Variants in FBXL4 observed in about 807,000 individuals in gnomAD.
FBXL4 encodes F-box/LRR-repeat protein 4.
In FBXL4, 40 loss-of-function variants were observed where a neutral mutation model predicts 58.9. The observed-to-expected ratio is 0.68, with a 90% CI of 0.53 to 0.88. The LOEUF (loss-of-function observed/expected upper bound fraction) is 0.88. Among genes scored for constraint, FBXL4 ranks in the 40% least tolerant of loss-of-function variants. The probability of loss-of-function intolerance (pLI) is 0.00; values close to 1 mark genes in which losing one functional copy is unlikely to be tolerated. For synonymous variants in FBXL4, 263 were observed against 265.5 expected, an observed-to-expected ratio of 0.99 and a Z score of 0.09; for missense variants, 676 against 734.4, an observed-to-expected ratio of 0.92 and a Z score of 0.92.
At chr6:98,939,297 C>A (rs914276563) in intron 1 of FBXL4, among the ~76,000 whole-genome samples, 2 of 152,144 alleles carry the variant, frequency 1.3e-5, no homozygotes, top group African/African-American at 4.8e-5. Context: ...TCTTAACATA[C>A]ATAAAGCCAA....
chr6:98,920,529 C>T (rs1192852734), intron 4 of FBXL4, among the ~76,000 whole-genome samples: 1 of 150,902 alleles, frequency 6.6e-6, no homozygotes, highest in Non-Finnish European at 1.5e-5. Flanking sequence ...TCTTGATAAC[C>T]TAAAAAGTAA....
intron 7 of FBXL4, among the ~76,000 whole-genome samples, chr6:98,890,428 T>C (rs924265043): frequency 1.3e-5 from 2 of 152,188 alleles, no homozygotes; most frequent in African/African-American, 2.4e-5. Flanking sequence ...AGTAAGGTGG[T>C]GAAATTTTAT....
At chr6:98,903,335 C>A (rs1178142575) in intron 6 of FBXL4, among the ~76,000 whole-genome samples, 1 of 152,010 alleles carries the variant, frequency 6.6e-6, no homozygotes, top group African/African-American at 2.4e-5. Flanking sequence ...CTCCAATATG[C>A]CCCCCACAAG....
chr6:98,907,116 T>C (rs1771844261), intron 5 of FBXL4, among the ~76,000 whole-genome samples: 1 of 152,184 alleles, frequency 6.6e-6, no homozygotes, highest in African/African-American at 2.4e-5. Context: ...ATTCTGTAGG[T>C]TGCCTGTTCA....
chr6:98,898,849 C>T, intron 7 of FBXL4: 1 of 985,232 alleles, frequency 1.0e-6, no homozygotes, highest in Non-Finnish European at 1.2e-6. Context: ...AAATGAGACT[C>T]ATTAACTATG....
In FBXL4 at chr6:98,885,568, A is replaced by G. The variant is rs78397054; in HGVS notation, c.1318-4944T>C. ...CCCTCAAATAAGAGAGAATTCTTCC[A>G]AATTCAGGAAAAAAAACAATGTCTG... On this transcript the variant is annotated intron_variant, in intron 7 of 9. Transcript: ENST00000369244. 7.2e-3 allele frequency among the ~76,000 whole-genome samples: 1,095 copies of G among 152,262 alleles called. 13 individuals are homozygous for G. Among genetic ancestry groups the G allele is most frequent in the African/African-American group, 0.025 (1,033 of 41,550 alleles).
chr6:98,890,924 C>CA (rs887230663), intron 7 of FBXL4, among the ~76,000 whole-genome samples: 34 of 146,750 alleles, frequency 2.3e-4, no homozygotes, highest in East Asian at 7.9e-4. Flanking sequence ...ATTTCAAAAA[C>CA]AAAAAAAAAC....
chr6:98,925,384 T>C (rs1407092899), intron 4 of FBXL4, among the ~76,000 whole-genome samples: 3 of 152,166 alleles, frequency 2.0e-5, no homozygotes, highest in Non-Finnish European at 2.9e-5. Flanking sequence ...AAATTAAATG[T>C]AACTAAGAAT....
chr6:98,939,880 T>C (rs1773370014), intron 1 of FBXL4, among the ~76,000 whole-genome samples: 1 of 152,252 alleles, frequency 6.6e-6, no homozygotes, highest in East Asian at 1.9e-4. Flanking sequence ...TGTCGATGAT[T>C]AGCTTCACAC....
At chr6:98,900,561 A>G (rs1255744881) in intron 6 of FBXL4, among the ~76,000 whole-genome samples, 7 of 152,168 alleles carry the variant, frequency 4.6e-5, no homozygotes, top group Non-Finnish European at 1.0e-4. Flanking sequence ...GCATTTCCTC[A>G]GCTGTAAACG....
intron 3 of FBXL4, among the ~76,000 whole-genome samples, 173 bp downstream of exon 3, chr6:98,927,532 G>C (rs1294834962): frequency 6.6e-6 from 1 of 152,170 alleles, no homozygotes; most frequent in Non-Finnish European, 1.5e-5. Context: ...TTCACATTAT[G>C]GGAATATAGT....
chr6:98,931,538 T>C (rs1360039803), intron 2 of FBXL4, among the ~76,000 whole-genome samples: 1 of 152,200 alleles, frequency 6.6e-6, no homozygotes, highest in Non-Finnish European at 1.5e-5. Context: ...AAGAAATTTT[T>C]AAAGGAAGGA....
chr6:98,893,165 G>A (rs73503699), intron 7 of FBXL4, among the ~76,000 whole-genome samples: 1,708 of 152,138 alleles, frequency 0.011, 35 homozygotes, highest in African/African-American at 0.039. Flanking sequence ...GTTTTAGTAC[G>A]TGTGGGACTT....
In FBXL4 at chr6:98,868,581, A is replaced by C. The variant is rs1350993317; in HGVS notation, c.*5697T>G. The C allele has an allele frequency of 6.6e-6, 1 of 152,138 alleles. No homozygotes were observed. The highest frequency in any genetic ancestry group is 1.5e-5 in the Non-Finnish European group (1 of 68,016). The allele number at this position is 152,138 out of a possible 1,614,324, so 9.4% of individuals were successfully genotyped here. A position where few individuals can be genotyped will look rare whatever the true frequency, so the allele number is the denominator to read the frequency against. On this transcript the variant is annotated 3_prime_UTR_variant, in exon 10 of 10. Coordinates refer to ENST00000369244, the MANE Select transcript of FBXL4 (RefSeq NM_001278716.2). ...TTTATTACTCTAAAGTACAGAATAC[A>C]AACAACAGAAATCATTAGATATTGA...
chr6:98,905,404 T>C lies in FBXL4; in HGVS notation c.1103+22A>G, dbSNP rs1444830590. ...ACCTGCTGCTGGGGGGGAAAAAAAC[T>C]TCATCAAGGCTTTGTACTAACCTGC... On this transcript the variant is annotated intron_variant, in intron 6 of 9. Coordinates refer to ENST00000369244, the MANE Select transcript of FBXL4 (RefSeq NM_001278716.2). 6 of 1,605,204 alleles carry C rather than the reference T, an allele frequency of 3.7e-6. No individual in the cohort carries two copies. In the South Asian group the frequency reaches 6.6e-5, roughly 18 times the overall value.
intron 1 of FBXL4, among the ~76,000 whole-genome samples, chr6:98,937,740 A>T (rs765702517): frequency 3.9e-5 from 6 of 152,232 alleles, no homozygotes; most frequent in Non-Finnish European, 7.3e-5. Context: ...ATCTCTATAC[A>T]GTACCAATCC....
At chr6:98,911,087 G>C (rs1772040532) in intron 5 of FBXL4, among the ~76,000 whole-genome samples, 3 of 152,208 alleles carry the variant, frequency 2.0e-5, no homozygotes, top group Admixed American at 2.0e-4. Flanking sequence ...TAGGACAGCA[G>C]TCTGAGATCA....
chr6:98,886,288 G>A (rs1322630220), intron 7 of FBXL4, among the ~76,000 whole-genome samples: 1 of 150,522 alleles, frequency 6.6e-6, no homozygotes, highest in African/African-American at 2.4e-5. Context: ...GAGTAAATGA[G>A]AGAGAGAGAG....
chr6:98,923,164 C>A (rs1197091033), intron 4 of FBXL4, among the ~76,000 whole-genome samples: 1 of 152,110 alleles, frequency 6.6e-6, no homozygotes, highest in Non-Finnish European at 1.5e-5. Context: ...AAGGGCCCAG[C>A]TCTCTAGCAA....
Sources: allele counts gnomAD v4.1 joint callset (sites outside exome capture counted in the v4.1 genomes callset), GRCh38; gene constraint gnomAD v4.1.1; transcripts MANE v1.5; gene names NCBI Gene and HGNC (gene_info 2026-07-23, HGNC 2026-07-21).